The following PKNOX2 variants were observed in gnomAD, a reference collection of about 807,000 sequenced individuals.
The protein encoded by PKNOX2 is homeobox protein PKNOX2.
PKNOX2 carries 14 observed loss-of-function variants against 53.1 expected under a neutral mutation model. The observed-to-expected ratio is 0.26, with a 90% confidence interval of 0.17 to 0.41. The LOEUF is 0.41. Among genes scored for constraint, PKNOX2 ranks in the 10% least tolerant of loss-of-function variants. The probability of loss-of-function intolerance (pLI) is 1.00; values close to 1 mark genes in which losing one functional copy is unlikely to be tolerated. For synonymous variants in PKNOX2, 257 were observed against 242.8 expected, an observed-to-expected ratio of 1.06 and a Z score of -0.54; for missense variants, 496 against 602.8, an observed-to-expected ratio of 0.82 and a Z score of 1.85.
At chr11:125,297,653 C>T (rs1351517621) in intron 2 of PKNOX2, among the ~76,000 whole-genome samples, 1 of 152,178 alleles carries the variant, frequency 6.6e-6, no homozygotes, top group Admixed American at 6.5e-5. Context: ...CTCCACCTTC[C>T]TCACCAGCCT....
chr11:125,343,288 G>C (rs550882021), intron 3 of PKNOX2, among the ~76,000 whole-genome samples: 47 of 152,308 alleles, frequency 3.1e-4, no homozygotes, highest in African/African-American at 1.0e-3. Context: ...ACCCACCGCA[G>C]GTCACTGCAG....
rs909806315 is a variant in PKNOX2, at chr11:125,422,024, T to G, written c.937-6988T>G. Among the ~76,000 whole-genome samples, 1 of 152,130 alleles carries G rather than the reference T, an allele frequency of 6.6e-6. No homozygotes were observed. The highest frequency in any genetic ancestry group is 1.5e-5 in the Non-Finnish European group (1 of 68,008). ...AGAAGCTGGCATTTGGGCTGGGCCT[T>G]ATGAAGGATGGCTAGGATTTAGGAT... On this transcript the variant is annotated intron_variant, in intron 10 of 12. Coordinates refer to ENST00000298282, the MANE Select transcript of PKNOX2 (RefSeq NM_001382323.2). This position sits in a 1 kb window ranked among gnomAD's most constrained non-coding sequence, Gnocchi z 4.1.
chr11:125,297,096 G>T (rs780991613), intron 2 of PKNOX2, among the ~76,000 whole-genome samples: 6 of 152,206 alleles, frequency 3.9e-5, no homozygotes, highest in Admixed American at 1.3e-4. Flanking sequence ...TTTACAGGAC[G>T]CTTACATGCT....
intron 1 of PKNOX2, among the ~76,000 whole-genome samples, chr11:125,219,827 G>T (rs1940941509): frequency 6.6e-6 from 1 of 152,200 alleles, no homozygotes; most frequent in Non-Finnish European, 1.5e-5. Flanking sequence ...CAACCCCTTT[G>T]AAGGGCCATT....
At chr11:125,398,108 C>A (rs760582856) in intron 7 of PKNOX2, 46 bp downstream of exon 7, 2 of 1,555,876 alleles carry the variant, frequency 1.3e-6, no homozygotes, top group African/African-American at 2.7e-5. Context: ...GGCTCCTAAG[C>A]CCAGCTCTGG....
intron 2 of PKNOX2, among the ~76,000 whole-genome samples, chr11:125,325,914 A>G (rs745851303): frequency 2.6e-5 from 4 of 152,234 alleles, no homozygotes; most frequent in Non-Finnish European, 4.4e-5. Flanking sequence ...CAATTCAAGA[A>G]CACATTGAAA....
At chr11:125,281,254 T>G (rs1054212061) in intron 2 of PKNOX2, among the ~76,000 whole-genome samples, 1 of 152,194 alleles carries the variant, frequency 6.6e-6, no homozygotes, top group Non-Finnish European at 1.5e-5. Flanking sequence ...ATGCGTGGTA[T>G]GGCCGTGTGT....
intron 1 of PKNOX2, among the ~76,000 whole-genome samples, chr11:125,195,308 T>G (rs549646218): frequency 1.3e-5 from 2 of 152,324 alleles, no homozygotes; most frequent in South Asian, 4.1e-4. Context: ...TTTATCCTCT[T>G]GCTTACTCGT....
At chr11:125,224,866 C>A (rs1266040368) in intron 1 of PKNOX2, among the ~76,000 whole-genome samples, 1 of 152,110 alleles carries the variant, frequency 6.6e-6, no homozygotes, top group East Asian at 1.9e-4. Context: ...TTCAGGACCG[C>A]CCCCCGGAGG....
intron 1 of PKNOX2, among the ~76,000 whole-genome samples, chr11:125,174,845 G>C (rs183690674): frequency 6.6e-6 from 1 of 152,010 alleles, no homozygotes; most frequent in East Asian, 1.9e-4. Flanking sequence ...CTCCTCTCCC[G>C]GCCCCTCTCC....
rs1399222279 is a variant in PKNOX2 at position 125,165,227 on chromosome 11, C to A, written c.-201+451C>A. Reference sequence around the variant, plus strand: ...TTGTCCTCGGGTGCAAGGAGCCGGGCTGCGGACTCGAATCGCCGCGGGCCC... The same window carrying A: ...TTGTCCTCGGGTGCAAGGAGCCGGGATGCGGACTCGAATCGCCGCGGGCCC... On this transcript the variant is annotated intron_variant, in intron 1 of 12. Transcript: ENST00000298282. The surrounding 1 kb of genome is among the most constrained non-coding windows in gnomAD (Gnocchi z 4.5). 4.0e-5 allele frequency among the ~76,000 whole-genome samples: 6 copies of A among 151,812 alleles called. No individual in the cohort carries two copies. In the East Asian group the frequency reaches 1.2e-3, roughly 30 times the overall value.
intron 2 of PKNOX2, among the ~76,000 whole-genome samples, chr11:125,326,707 T>A (rs891721603): frequency 1.3e-5 from 2 of 152,188 alleles, no homozygotes; most frequent in African/African-American, 4.8e-5. Context: ...TCAAGCATCA[T>A]CAGGGAATGA....
chr11:125,378,521 G>T (rs1461074606), intron 5 of PKNOX2, among the ~76,000 whole-genome samples: 1 of 152,192 alleles, frequency 6.6e-6, no homozygotes, highest in South Asian at 2.1e-4. Context: ...CACTGACCCT[G>T]GGCTTCCCTC....
chr11:125,177,742 A>G (rs57747880), intron 1 of PKNOX2, among the ~76,000 whole-genome samples: 1,629 of 152,246 alleles, frequency 0.011, 21 homozygotes, highest in African/African-American at 0.037. Context: ...CAAGCAGGGA[A>G]GGCTGTGGGC....
At chr11:125,372,314 C>T (rs749394127) in intron 5 of PKNOX2, among the ~76,000 whole-genome samples, 1 of 152,206 alleles carries the variant, frequency 6.6e-6, no homozygotes, top group African/African-American at 2.4e-5. Context: ...GTGAGGCTCT[C>T]GCTGCCTCAA....
intron 1 of PKNOX2, among the ~76,000 whole-genome samples, chr11:125,212,544 T>A (rs1485737051): frequency 1.4e-5 from 2 of 138,236 alleles, no homozygotes; most frequent in Non-Finnish European, 3.0e-5. Context: ...AACCTCCGCC[T>A]CCCGGGTTCA....
intron 2 of PKNOX2, among the ~76,000 whole-genome samples, chr11:125,252,455 C>A (rs1266303355): frequency 1.3e-5 from 2 of 152,156 alleles, no homozygotes; most frequent in African/African-American, 4.8e-5. Context: ...GCAAGGAGAC[C>A]TTGCAGGAAG....
chr11:125,318,240 G>A (rs1324074831), intron 2 of PKNOX2, among the ~76,000 whole-genome samples: 2 of 151,550 alleles, frequency 1.3e-5, no homozygotes, highest in Non-Finnish European at 1.5e-5. Context: ...CTCAGTAGCT[G>A]GGATTACAGG....
chr11:125,431,754 G>C lies in PKNOX2; in HGVS notation c.*362G>C, dbSNP rs1318075168. 1 of 232,570 alleles carries C rather than the reference G, an allele frequency of 4.3e-6. No individual in the cohort carries two copies. The highest frequency in any genetic ancestry group is 8.5e-6 in the Non-Finnish European group (1 of 118,256). The allele number at this position is 232,570 out of a possible 1,614,324, so 14.4% of individuals were successfully genotyped here. ...AGTTGTTTACAAGCCCTGCACTGAG[G>C]CAGATTGGTGCTGTTCGCAGAGTAG... On this transcript the variant is annotated 3_prime_UTR_variant, in exon 13 of 13. Coordinates refer to ENST00000298282, the MANE Select transcript of PKNOX2 (RefSeq NM_001382323.2).
Sources: gnomAD v4.1 joint callset for allele counts (sites outside exome capture counted in the v4.1 genomes callset) on GRCh38, gnomAD v4.1.1 for gene constraint, Gnocchi (gnomAD v3.1) non-coding constraint, MANE v1.5 for transcripts, NCBI Gene and HGNC (gene_info 2026-07-23, HGNC 2026-07-21) for gene names.